The following HS3ST4 variants were observed in gnomAD, a reference collection of about 807,000 sequenced individuals.
HS3ST4 encodes the protein heparan sulfate-glucosamine 3-sulfotransferase 4, also known as heparan sulfate glucosamine 3-O-sulfotransferase 4.
A neutral mutation model predicts 29.2 loss-of-function variants in HS3ST4; 17 were observed. The ratio of observed to expected loss-of-function variants is 0.58; its 90% confidence interval spans 0.40 to 0.87. HS3ST4 has a LOEUF of 0.87. HS3ST4 is among the 40% of genes least tolerant of loss of function. The pLI is 0.00. For missense variants in HS3ST4, 627 were observed against 634.5 expected, an observed-to-expected ratio of 0.99 and a Z score of 0.13; for synonymous variants, 314 against 285.7, an observed-to-expected ratio of 1.10 and a Z score of -1.00.
At chr16:25,907,327 CT>C (rs1223244782) in intron 1 of HS3ST4, among the ~76,000 whole-genome samples, 1 of 152,076 alleles carries the variant, frequency 6.6e-6, no homozygotes, top group Non-Finnish European at 1.5e-5. Flanking sequence ...AGTAGGAAAG[CT>C]TAGTGATTAA....
chr16:25,900,977 T>C (rs556961253), intron 1 of HS3ST4, among the ~76,000 whole-genome samples: 8 of 152,308 alleles, frequency 5.3e-5, no homozygotes, highest in Non-Finnish European at 8.8e-5. Flanking sequence ...GCTACTGACA[T>C]TGATCTTTTA....
intron 1 of HS3ST4, among the ~76,000 whole-genome samples, chr16:25,984,359 G>A (rs115663162): frequency 0.016 from 2,395 of 152,216 alleles, 77 homozygotes; most frequent in African/African-American, 0.055. Context: ...TCCCTCTCAT[G>A]CACAGTTCAC....
intron 1 of HS3ST4, among the ~76,000 whole-genome samples, chr16:25,767,059 TAAG>T (rs994205185): frequency 3.3e-5 from 5 of 152,312 alleles, no homozygotes; most frequent in Non-Finnish European, 5.9e-5. Flanking sequence ...AAATGTACCT[TAAG>T]AAGTTCCATG....
chr16:25,967,300 C>T (rs531941327), intron 1 of HS3ST4, among the ~76,000 whole-genome samples: 13 of 152,112 alleles, frequency 8.5e-5, no homozygotes, highest in African/African-American at 1.2e-4. Flanking sequence ...ACTACAGGTT[C>T]GAGCCACCAC....
chr16:25,947,133 A>T (rs1448640597), intron 1 of HS3ST4, among the ~76,000 whole-genome samples: 1 of 152,178 alleles, frequency 6.6e-6, no homozygotes. Flanking sequence ...GATGGCTCTG[A>T]TCGCAATGTG....
chr16:25,842,194 T>C (rs754113044), intron 1 of HS3ST4, among the ~76,000 whole-genome samples: 1 of 152,238 alleles, frequency 6.6e-6, no homozygotes, highest in African/African-American at 2.4e-5. Context: ...AAAGGTCACC[T>C]TAAGGAGTCT....
chr16:26,125,952 A>G (rs1402023554), intron 1 of HS3ST4, among the ~76,000 whole-genome samples: 1 of 152,256 alleles, frequency 6.6e-6, no homozygotes, highest in Non-Finnish European at 1.5e-5. Flanking sequence ...TTTGCTAGTT[A>G]TCTTCTGTAG....
chr16:26,089,545 G>A (rs1219675080), intron 1 of HS3ST4, among the ~76,000 whole-genome samples: 1 of 152,180 alleles, frequency 6.6e-6, no homozygotes, highest in Non-Finnish European at 1.5e-5. Flanking sequence ...GAAAGAAGAA[G>A]GGAGCTTCAT....
chr16:25,781,602 CCG>C (rs1018783900), intron 1 of HS3ST4, among the ~76,000 whole-genome samples: 5 of 152,120 alleles, frequency 3.3e-5, no homozygotes, highest in Non-Finnish European at 5.9e-5. Flanking sequence ...ATAGGAGCTG[CCG>C]TTACCTGCAT....
chr16:25,762,188 C>G (rs925837433), intron 1 of HS3ST4, among the ~76,000 whole-genome samples: 1 of 152,078 alleles, frequency 6.6e-6, no homozygotes, highest in South Asian at 2.1e-4. Flanking sequence ...CTTCTAGCCT[C>G]CAGACCATGA....
intron 1 of HS3ST4, among the ~76,000 whole-genome samples, chr16:26,043,115 A>G (rs1969650274): frequency 2.0e-5 from 3 of 152,112 alleles, no homozygotes; most frequent in Admixed American, 2.0e-4. Context: ...CTATATACCT[A>G]CCTACCTGTG....
intron 1 of HS3ST4, among the ~76,000 whole-genome samples, chr16:25,811,784 AT>A (rs1293170188): frequency 2.0e-5 from 3 of 152,196 alleles, no homozygotes; most frequent in Non-Finnish European, 4.4e-5. Context: ...ACAATATATA[AT>A]AAAAATAACA....
At chr16:26,076,218 T>C (rs1898662754) in intron 1 of HS3ST4, among the ~76,000 whole-genome samples, 1 of 152,174 alleles carries the variant, frequency 6.6e-6, no homozygotes, top group Non-Finnish European at 1.5e-5. Context: ...ATAATGTGCT[T>C]GTAGCTGTGT....
In HS3ST4 at chr16:25,903,302, G is replaced by GTGTA. The variant is rs151301516; in HGVS notation, c.734+210152_734+210153insGTAT. On this transcript the variant is annotated intron_variant, in intron 1 of 1. Coordinates refer to ENST00000331351, the MANE Select transcript of HS3ST4 (RefSeq NM_006040.3). The stretch of plus-strand genomic sequence containing the variant: ...TGTGTGTGTGTGTGTGTGTGTGTGT[G>GTGTA]TATGTATATGTATATATTATATATA... 5.1e-3 allele frequency among the ~76,000 whole-genome samples: 528 copies of GTGTA among 103,456 alleles called. 13 individuals are homozygous for GTGTA. The highest frequency in any genetic ancestry group is 0.014 in the African/African-American group (368 of 26,306). 67.9% of individuals were successfully genotyped at this position (103,456 alleles called of 152,430 possible).
chr16:26,120,107 G>C (rs1160942178), intron 1 of HS3ST4, among the ~76,000 whole-genome samples: 1 of 151,414 alleles, frequency 6.6e-6, no homozygotes, highest in Non-Finnish European at 1.5e-5. Context: ...GTGTGTGACA[G>C]ATACTCTACA....
At chr16:25,819,389 G>A (rs1449969758) in intron 1 of HS3ST4, among the ~76,000 whole-genome samples, 2 of 152,142 alleles carry the variant, frequency 1.3e-5, no homozygotes, top group South Asian at 2.1e-4. Flanking sequence ...ATGTTGGCAC[G>A]TGACTGGTCT....
At chr16:26,119,080 A>C (rs1336977932) in intron 1 of HS3ST4, among the ~76,000 whole-genome samples, 1 of 152,254 alleles carries the variant, frequency 6.6e-6, no homozygotes, top group African/African-American at 2.4e-5. Flanking sequence ...TGATTTAAAA[A>C]ACTAAAGCAC....
chr16:25,995,322 TATGG>T, intron 1 of HS3ST4, among the ~76,000 whole-genome samples: 1 of 152,318 alleles, frequency 6.6e-6, no homozygotes, highest in East Asian at 1.9e-4. Context: ...TTGCTGCAGG[TATGG>T]CTGTATCTAG....
intron 1 of HS3ST4, among the ~76,000 whole-genome samples, chr16:25,720,195 A>T (rs1966483485): frequency 6.6e-6 from 1 of 152,230 alleles, no homozygotes; most frequent in African/African-American, 2.4e-5. Flanking sequence ...GAAGAAGGAC[A>T]TTCCAGCTGA....
Sources: allele counts gnomAD v4.1 joint callset (sites outside exome capture counted in the v4.1 genomes callset), GRCh38; gene constraint gnomAD v4.1.1; transcripts MANE v1.5; gene names NCBI Gene and HGNC (gene_info 2026-07-23, HGNC 2026-07-21).